The following PLPPR4 variants were observed in gnomAD, a reference collection of about 807,000 sequenced individuals.
PLPPR4 encodes the protein phospholipid phosphatase-related protein type 4.
In PLPPR4, 24 loss-of-function variants were observed where a neutral mutation model predicts 56.6. The observed-to-expected ratio is 0.42, with a 90% CI of 0.31 to 0.60. The LOEUF (loss-of-function observed/expected upper bound fraction) is 0.60, where lower values mean the gene tolerates loss of function less well. Ranked by LOEUF, PLPPR4 falls within the 20% of genes least tolerant of loss-of-function variation. PLPPR4 has a pLI of 0.13. For synonymous variants in PLPPR4, 326 were observed against 328.1 expected (o/e 0.99, Z 0.07); for missense variants, 654 against 885.8 (o/e 0.74, Z 3.32).
chr1:99,290,959 A>G (rs907260161), intron 2 of PLPPR4, among the ~76,000 whole-genome samples: 3 of 152,184 alleles, frequency 2.0e-5, no homozygotes, highest in East Asian at 3.9e-4. Context: ...CAATTAAACT[A>G]GAGAGCTTCT....
At chr1:99,271,347 C>T (rs1380737045) in intron 1 of PLPPR4, among the ~76,000 whole-genome samples, 8 of 152,154 alleles carry the variant, frequency 5.3e-5, no homozygotes, top group African/African-American at 1.7e-4. Context: ...GTGAGGGAGT[C>T]AGGATTTCAG....
intron 1 of PLPPR4, among the ~76,000 whole-genome samples, chr1:99,276,656 C>T (rs545964747): frequency 1.3e-5 from 2 of 152,128 alleles, no homozygotes; most frequent in South Asian, 2.1e-4. Flanking sequence ...AAAATATAAA[C>T]TTTATTTCTC....
rs144668942 is a variant in PLPPR4 at position 99,284,212 on chromosome 1, A to G, written c.79-3753A>G. ...TACACTCAAAAAAAATCTGTTGTTGAGCATTTCAAAAGATAAAAAGGTAAC... is the reference window on the plus strand; with the variant it reads ...TACACTCAAAAAAAATCTGTTGTTGGGCATTTCAAAAGATAAAAAGGTAAC... On this transcript the variant is annotated intron_variant, in intron 1 of 6. Transcript: ENST00000370185. Among the ~76,000 whole-genome samples, 67 of 152,360 alleles carry G rather than the reference A, an allele frequency of 4.4e-4. 2 individuals are homozygous for G. The East Asian group carries it at 0.013, about 28-fold the overall frequency.
intron 1 of PLPPR4, among the ~76,000 whole-genome samples, chr1:99,279,807 T>C (rs1299329876): frequency 2.6e-5 from 4 of 152,188 alleles, no homozygotes; most frequent in African/African-American, 9.7e-5. Flanking sequence ...GGTCCTTATC[T>C]TAAATTTATC....
intron 2 of PLPPR4, among the ~76,000 whole-genome samples, chr1:99,289,313 T>C (rs1045903270): frequency 6.6e-6 from 1 of 152,148 alleles, no homozygotes; most frequent in Non-Finnish European, 1.5e-5. Flanking sequence ...TGTTCTAAAC[T>C]CTATATTTTT....
intron 2 of PLPPR4, among the ~76,000 whole-genome samples, chr1:99,294,133 G>A (rs1401650876): frequency 1.3e-5 from 2 of 151,926 alleles, no homozygotes; most frequent in Non-Finnish European, 2.9e-5. Flanking sequence ...TGGGCATTTG[G>A]AAACGCACTG....
At chr1:99,279,918 T>C (rs535434968) in intron 1 of PLPPR4, among the ~76,000 whole-genome samples, 2 of 152,308 alleles carry the variant, frequency 1.3e-5, no homozygotes, top group East Asian at 3.9e-4. Context: ...TCTAAGTACA[T>C]ACCTAATAAA....
chr1:99,282,401 A>T (rs1249272321), intron 1 of PLPPR4, among the ~76,000 whole-genome samples: 2 of 152,162 alleles, frequency 1.3e-5, no homozygotes, highest in Non-Finnish European at 2.9e-5. Context: ...CATCCACTAG[A>T]ATGTAAACTC....
At chr1:99,282,054 T>C (rs919516316) in intron 1 of PLPPR4, among the ~76,000 whole-genome samples, 1 of 152,200 alleles carries the variant, frequency 6.6e-6, no homozygotes, top group Admixed American at 6.5e-5. Flanking sequence ...TTCAGCTTTA[T>C]GCCTCCAGCC....
At chr1:99,294,388 A>T (rs1029281006) in intron 2 of PLPPR4, among the ~76,000 whole-genome samples, 1 of 152,158 alleles carries the variant, frequency 6.6e-6, no homozygotes, top group Non-Finnish European at 1.5e-5. Context: ...TTTTGAACAT[A>T]TTCAAACAAC....
In PLPPR4 at chr1:99,307,059, A is replaced by T. The variant is rs969158844; in HGVS notation, c.*49A>T. ...GCTACTCGCAAAAGACCATATGTTG[A>T]TTCTACCTGTGTTCTGTTCCAGCGA... On this transcript the variant is annotated 3_prime_UTR_variant, in exon 7 of 7. Coordinates refer to ENST00000370185, the MANE Select transcript of PLPPR4 (RefSeq NM_014839.5). The T allele has an allele frequency of 1.3e-6, 2 of 1,534,742 alleles. No homozygotes were observed. The highest frequency in any genetic ancestry group is 1.7e-6 in the Non-Finnish European group (2 of 1,147,456).
rs1660087405 is a variant in PLPPR4, at chr1:99,308,094, TTG to T, written c.*1085_*1086del. ...GATGTCTACAACTAGCTGGCATAGG[TTG>T]CCATCTTAACAAGTAATCTAAAAGT... is the stretch of plus-strand genomic sequence containing the variant. On this transcript the variant is annotated 3_prime_UTR_variant, in exon 7 of 7. Coordinates refer to ENST00000370185, the MANE Select transcript of PLPPR4 (RefSeq NM_014839.5). The T allele has an allele frequency of 6.6e-6, 1 of 152,188 alleles. No homozygotes were observed. The highest frequency in any genetic ancestry group is 2.4e-5 in the African/African-American group (1 of 41,442). The allele number at this position is 152,188 out of a possible 1,614,324, so 9.4% of individuals were successfully genotyped here.
intron 6 of PLPPR4, among the ~76,000 whole-genome samples, chr1:99,302,936 C>T (rs1659922417): frequency 6.6e-6 from 1 of 151,610 alleles, no homozygotes; most frequent in South Asian, 2.1e-4. Flanking sequence ...TGGGTTGGTT[C>T]CAAGTCTTTG....
rs1660009515 is a variant in PLPPR4 at position 99,305,820 on chromosome 1, G to A, written c.958G>A (p.Gly320Arg). Residue 320 changes from glycine to arginine, a missense_variant, in exon 7 of 7, where the codon GGA becomes AGA. Coordinates refer to ENST00000370185, the MANE Select transcript of PLPPR4 (RefSeq NM_014839.5). ...TGCTAAAAATGGTAGCAGCAGTGATGGAATTGCTCATACAGAAGGCATCCT... is the reference window on the plus strand; with the variant it reads ...TGCTAAAAATGGTAGCAGCAGTGATAGAATTGCTCATACAGAAGGCATCCT... ...LSAKNGSSSD[G>R]IAHTEGILNR... The A allele has an allele frequency of 6.2e-7, 1 of 1,614,060 alleles. No homozygotes were observed. Among genetic ancestry groups the A allele is most frequent in the Non-Finnish European group, 8.5e-7 (1 of 1,180,010 alleles).
intron 3 of PLPPR4, among the ~76,000 whole-genome samples, chr1:99,297,689 G>A (rs1659776994): frequency 6.6e-6 from 1 of 152,008 alleles, no homozygotes; most frequent in South Asian, 2.1e-4. Flanking sequence ...GGAAAAATCA[G>A]GTCTAACTCA....
intron 2 of PLPPR4, among the ~76,000 whole-genome samples, chr1:99,294,935 T>A (rs1424511305): frequency 6.6e-6 from 1 of 152,166 alleles, no homozygotes; most frequent in African/African-American, 2.4e-5. Flanking sequence ...ATACAATACA[T>A]TTCAAGAATA....
chr1:99,296,937 G>C, intron 3 of PLPPR4, 70 bp downstream of exon 3: 1 of 1,345,252 alleles, frequency 7.4e-7, no homozygotes, highest in South Asian at 1.8e-5. Context: ...TTTAATTATA[G>C]ATATTAAGTC....
rs778846547 is a variant in PLPPR4, at chr1:99,264,578, C to T, written c.-16C>T. ...CCTCGCCCGGGGGAGGACGCAGACCCGGGCAGGCGGCAGGGATGTCGGCGA... is the reference window on the plus strand; with the variant it reads ...CCTCGCCCGGGGGAGGACGCAGACCTGGGCAGGCGGCAGGGATGTCGGCGA... On this transcript the variant is annotated 5_prime_UTR_variant, in exon 1 of 7. Coordinates refer to ENST00000370185, the MANE Select transcript of PLPPR4 (RefSeq NM_014839.5). The T allele has an allele frequency of 1.6e-5, 25 of 1,550,754 alleles. No individual in the cohort carries two copies. In the East Asian group the frequency reaches 2.4e-4, roughly 15 times the overall value.
chr1:99,281,263 C>T (rs1659318136), intron 1 of PLPPR4, among the ~76,000 whole-genome samples: 1 of 152,158 alleles, frequency 6.6e-6, no homozygotes, highest in Non-Finnish European at 1.5e-5. Flanking sequence ...GATTCTCCTG[C>T]TTCTGAGGCC....
Sources: gnomAD v4.1 joint callset for allele counts (sites outside exome capture counted in the v4.1 genomes callset) on GRCh38, gnomAD v4.1.1 for gene constraint, MANE v1.5 for transcripts, NCBI Gene and HGNC (gene_info 2026-07-23, HGNC 2026-07-21) for gene names.